The following PALS1 variants were observed in gnomAD, a reference collection of about 807,000 sequenced individuals.
PALS1 encodes the protein protein associated with LIN7 1, MAGUK p55 family member.
Under a neutral mutation model 78.9 loss-of-function variants are expected in PALS1, and 31 were observed. The observed-to-expected ratio is 0.39, with a 90% CI of 0.30 to 0.53. The LOEUF (loss-of-function observed/expected upper bound fraction) is 0.53, where lower values mean the gene tolerates loss of function less well. PALS1 is among the 20% of genes least tolerant of loss of function. The pLI is 0.67. For synonymous variants in PALS1, 276 were observed against 270.9 expected (o/e 1.02, Z -0.18); for missense variants, 704 against 826.5 (o/e 0.85, Z 1.82).
chr14:67,329,242 G>A (rs2085404110), intron 14 of PALS1, among the ~76,000 whole-genome samples: 1 of 152,156 alleles, frequency 6.6e-6, no homozygotes, highest in Admixed American at 6.5e-5. Flanking sequence ...TGTAGCAATT[G>A]TGAATGGGAG....
At chr14:67,315,164 A>G (rs112844857) in intron 9 of PALS1, among the ~76,000 whole-genome samples, 2,452 of 152,262 alleles carry the variant, frequency 0.016, 30 homozygotes, top group Middle Eastern at 0.092. Flanking sequence ...TCATACTACA[A>G]AAAGTGCCAC....
At chr14:67,263,370 C>A (rs2084267703) in intron 1 of PALS1, among the ~76,000 whole-genome samples, 2 of 151,940 alleles carry the variant, frequency 1.3e-5, no homozygotes, top group African/African-American at 4.8e-5. Flanking sequence ...TACTTAAGGT[C>A]AGAGCTCAAC....
At chr14:67,325,650 G>A (rs10131212) in intron 14 of PALS1, among the ~76,000 whole-genome samples, 23,555 of 152,050 alleles carry the variant, frequency 0.15, 3,437 homozygotes, top group East Asian at 0.42. Flanking sequence ...AAAAGGATGC[G>A]CACTAAGGAC....
intron 1 of PALS1, among the ~76,000 whole-genome samples, chr14:67,252,592 T>C (rs1276217640): frequency 6.6e-6 from 1 of 152,166 alleles, no homozygotes; most frequent in East Asian, 1.9e-4. Flanking sequence ...GCCATTAGCT[T>C]GTGGGATCTG....
intron 14 of PALS1, among the ~76,000 whole-genome samples, chr14:67,329,897 A>T (rs560296258): frequency 6.4e-4 from 96 of 151,126 alleles, no homozygotes; most frequent in Non-Finnish European, 1.1e-3. Flanking sequence ...GAAACTAAGA[A>T]GATGATGGTG....
At chr14:67,299,893 CAG>C (rs942251830) in intron 4 of PALS1, among the ~76,000 whole-genome samples, 2 of 152,198 alleles carry the variant, frequency 1.3e-5, no homozygotes, top group Non-Finnish European at 2.9e-5. Context: ...TTCCCATCCT[CAG>C]AGTTTCTTCA....
chr14:67,301,973 C>A lies in PALS1; in HGVS notation c.656C>A (p.Ala219Glu). The A allele has an allele frequency of 1.3e-6, 2 of 1,579,862 alleles. No individual in the cohort carries two copies. The highest frequency in any genetic ancestry group is 1.9e-5 in the Admixed American group (1 of 51,328). The change falls in exon 6 of 15, where the codon GCA (alanine) becomes GAA (glutamate). Residue 219 changes from alanine to glutamate, a missense_variant and splice_region_variant. Transcript: ENST00000261681. ...TALLNTPHIQ[A>E]LLLAHDKVAE... ...ATGCCATGGATTTCTTTGAAACAGG[C>A]ACTTTTACTGGCCCACGATAAGGTT... is the stretch of plus-strand genomic sequence containing the variant.
intron 1 of PALS1, among the ~76,000 whole-genome samples, chr14:67,245,648 A>G (rs977170234): frequency 7.2e-5 from 11 of 152,070 alleles, no homozygotes; most frequent in African/African-American, 2.2e-4. Flanking sequence ...CGCTGCCCCA[A>G]AAGTTTTATA....
chr14:67,291,205 A>G (rs2084767095), intron 3 of PALS1, among the ~76,000 whole-genome samples: 1 of 151,544 alleles, frequency 6.6e-6, no homozygotes, highest in South Asian at 2.1e-4. Context: ...CACACAGCCT[A>G]TTTGGGAGCA....
intron 7 of PALS1, among the ~76,000 whole-genome samples, chr14:67,303,312 C>T (rs2084954752): frequency 2.0e-5 from 3 of 152,202 alleles, no homozygotes; most frequent in Admixed American, 2.0e-4. Flanking sequence ...TCTGTACTAT[C>T]TACTGATTCT....
intron 13 of PALS1, among the ~76,000 whole-genome samples, chr14:67,322,575 T>C (rs1229895262): frequency 6.6e-6 from 1 of 152,130 alleles, no homozygotes; most frequent in Non-Finnish European, 1.5e-5. Context: ...AAAATAGTAA[T>C]TAGGGATTTT....
intron 1 of PALS1, among the ~76,000 whole-genome samples, chr14:67,262,069 T>A (rs2084247269): frequency 6.6e-6 from 1 of 152,162 alleles, no homozygotes; most frequent in African/African-American, 2.4e-5. Context: ...GTTCTATTGC[T>A]TCTAGCTATG....
intron 6 of PALS1, 38 bp downstream of exon 6, chr14:67,302,156 T>C: frequency 6.4e-7 from 1 of 1,556,600 alleles, no homozygotes; most frequent in Non-Finnish European, 8.7e-7. Context: ...CAAGTGCATT[T>C]TTCTGCTGTT....
intron 2 of PALS1, among the ~76,000 whole-genome samples, chr14:67,275,367 A>G (rs1282976730): frequency 6.6e-6 from 1 of 152,154 alleles, no homozygotes; most frequent in Non-Finnish European, 1.5e-5. Context: ...TTCTGCATCT[A>G]TTGAGATAAT....
chr14:67,307,588 G>A (rs537976802), intron 8 of PALS1, among the ~76,000 whole-genome samples: 1 of 152,224 alleles, frequency 6.6e-6, no homozygotes, highest in South Asian at 2.1e-4. Flanking sequence ...CCCATTATAG[G>A]TATAAAAATG....
At chr14:67,253,318 A>C (rs2084093441) in intron 1 of PALS1, among the ~76,000 whole-genome samples, 1 of 152,232 alleles carries the variant, frequency 6.6e-6, no homozygotes, top group South Asian at 2.1e-4. Flanking sequence ...TGGTTGTTAT[A>C]GTCTGAGGTA....
chr14:67,246,515 A>T (rs2083989831), intron 1 of PALS1, among the ~76,000 whole-genome samples: 1 of 152,006 alleles, frequency 6.6e-6, no homozygotes, highest in Non-Finnish European at 1.5e-5. Flanking sequence ...GATTTTTAAA[A>T]TTTTTTGTAG....
chr14:67,291,893 TA>T (rs1451189470), intron 3 of PALS1, among the ~76,000 whole-genome samples: 1 of 152,200 alleles, frequency 6.6e-6, no homozygotes, highest in Admixed American at 6.5e-5. Context: ...TTTGACTTTT[TA>T]AAAAATGTCA....
At chr14:67,268,623 T>C (rs1476063065) in intron 1 of PALS1, among the ~76,000 whole-genome samples, 1 of 152,232 alleles carries the variant, frequency 6.6e-6, no homozygotes, top group Non-Finnish European at 1.5e-5. Context: ...CCATGGCATT[T>C]GTAAACTGTC....
Sources: gnomAD v4.1 joint callset for allele counts (sites outside exome capture counted in the v4.1 genomes callset) on GRCh38, gnomAD v4.1.1 for gene constraint, MANE v1.5 for transcripts, NCBI Gene and HGNC (gene_info 2026-07-23, HGNC 2026-07-21) for gene names.